Variants in ZNF34 observed in about 807,000 individuals in gnomAD.
ZNF34 encodes zinc finger protein 34 (KOX 32).
A neutral mutation model predicts 14.4 loss-of-function variants in ZNF34; 8 were observed. The observed-to-expected ratio is 0.55, with a 90% CI of 0.33 to 1.00. The LOEUF (loss-of-function observed/expected upper bound fraction) is 1.00, where lower values mean the gene tolerates loss of function less well. Ranked by LOEUF, ZNF34 falls within the 50% of genes least tolerant of loss-of-function variation. The pLI, the probability that ZNF34 is intolerant of heterozygous loss-of-function variation, is 0.03. For synonymous variants in ZNF34, 235 were observed against 247.9 expected (o/e 0.95, Z 0.49); for missense variants, 538 against 674.2 (o/e 0.80, Z 2.24).
intron 1 of ZNF34, among the ~76,000 whole-genome samples, chr8:144,783,457 A>C (rs1167779005): frequency 1.3e-5 from 2 of 152,212 alleles, no homozygotes; most frequent in Non-Finnish European, 2.9e-5. Flanking sequence ...GAATGATAAA[A>C]ATAATCTACA....
In ZNF34 at chr8:144,774,140, T is replaced by C; in HGVS notation, c.746A>G (p.Gln249Arg). The change falls in exon 6 of 6, where the codon CAG (glutamine) becomes CGG (arginine). Residue 249 changes from glutamine (Q) to arginine (R), a missense_variant. By Grantham distance (43) the Gln-to-Arg change is conservative. This residue lies in a region of ZNF34 where 431 missense variants were observed against 525.7 expected (regional missense o/e 0.82). Transcript: ENST00000429371. ...FRYSANLVKH[Q>R]RLHTEEKPYK... ...GGGCTTCTCTTCAGTGTGAAGCCGC[T>C]GATGCTTGACAAGGTTGGCACTGTA... 1 of 1,614,122 alleles carries C rather than the reference T, an allele frequency of 6.2e-7. No homozygotes were observed. Among genetic ancestry groups the C allele is most frequent in the Non-Finnish European group, 8.5e-7 (1 of 1,179,964 alleles).
chr8:144,775,709 G>A (rs983266896), intron 5 of ZNF34, among the ~76,000 whole-genome samples: 2 of 152,176 alleles, frequency 1.3e-5, no homozygotes, highest in African/African-American at 4.8e-5. Context: ...GGAGAGCCAG[G>A]GAGCTCCTGG....
chr8:144,785,052 G>A (rs1388313176), intron 1 of ZNF34, among the ~76,000 whole-genome samples: 1 of 148,156 alleles, frequency 6.7e-6, no homozygotes, highest in African/African-American at 2.5e-5. Context: ...GGGAGATGGA[G>A]GCTGCAGGGA....
At chr8:144,778,601 A>G (rs571736308) in intron 2 of ZNF34, 76 bp from the exon 3 acceptor site, 75 of 1,222,650 alleles carry the variant, frequency 6.1e-5, no homozygotes, top group Admixed American at 3.8e-4. Flanking sequence ...TGGTGCTGCC[A>G]TAAACAGCCC....
intron 1 of ZNF34, among the ~76,000 whole-genome samples, chr8:144,786,132 C>G (rs1018822028): frequency 6.6e-6 from 1 of 151,452 alleles, no homozygotes; most frequent in East Asian, 2.0e-4. Context: ...CTACAGGCGC[C>G]CGCTACCACG....
intron 2 of ZNF34, 78 bp downstream of exon 2, chr8:144,780,149 AT>A: frequency 9.1e-6 from 10 of 1,102,368 alleles, no homozygotes; most frequent in Non-Finnish European, 1.3e-5. Flanking sequence ...GTGAGCTGTG[AT>A]CGCACCACTG....
chr8:144,782,342 T>C (rs753246977), intron 1 of ZNF34, among the ~76,000 whole-genome samples: 11 of 136,570 alleles, frequency 8.1e-5, no homozygotes, highest in Non-Finnish European at 1.5e-4. Context: ...AAACAAAACT[T>C]AGCCGGGCAT....
Position 144,774,531 on chromosome 8 carries a change from C to T in ZNF34, c.355G>A (p.Glu119Lys), listed in dbSNP as rs1825379979. ...ATGTGGTCACAGGCTTCTACTGGCT[C>T]AGATCCCTGGGGATCTTCCTCACCA... ...TFGEEDPQGS[E>K]PVEACDHISK... Residue 119 changes from glutamate to lysine, a missense_variant, in exon 6 of 6, where the codon GAG (glutamate) becomes AAG (lysine). By Grantham distance (56) the Glu-to-Lys change is moderately conservative. Coordinates refer to ENST00000429371, the MANE Select transcript of ZNF34 (RefSeq NM_001286769.2). 6.2e-7 allele frequency: 1 copy of T among 1,613,930 alleles called. No individual in the cohort carries two copies. Among genetic ancestry groups the T allele is most frequent in the Admixed American group, 1.7e-5 (1 of 60,014 alleles).
chr8:144,777,989 C>T lies in ZNF34; in HGVS notation c.160+49G>A. 3 of 1,606,952 alleles carry T rather than the reference C, an allele frequency of 1.9e-6. No individual in the cohort carries two copies. Among genetic ancestry groups the T allele is most frequent in the Non-Finnish European group, 2.5e-6 (3 of 1,176,724 alleles). On this transcript the variant is annotated intron_variant, in intron 4 of 5. Coordinates refer to ENST00000429371, the MANE Select transcript of ZNF34 (RefSeq NM_001286769.2). This position sits in a 1 kb window ranked among gnomAD's most constrained non-coding sequence, Gnocchi z 4.8. ...CCCCTAGCCCAGCCTCTGCTGAGCC[C>T]TTAGCCCCCAGGGCTGTTCCCAGAG...
intron 1 of ZNF34, among the ~76,000 whole-genome samples, chr8:144,786,204 T>C (rs1488502223): frequency 6.6e-6 from 1 of 151,590 alleles, no homozygotes; most frequent in African/African-American, 2.4e-5. Flanking sequence ...GCCAGGATGG[T>C]CTCGATCTCC....
At chr8:144,785,979 G>GTTT (rs35149527) in intron 1 of ZNF34, among the ~76,000 whole-genome samples, 48 of 99,302 alleles carry the variant, frequency 4.8e-4, no homozygotes, top group African/African-American at 7.9e-4. Context: ...TACATAGGTA[G>GTTT]TTTTTTTTTT....
chr8:144,778,497 G>T lies in ZNF34; in HGVS notation c.-26C>A, dbSNP rs779660027. 1.9e-6 allele frequency: 3 copies of T among 1,588,406 alleles called. No individual in the cohort carries two copies. On this transcript the variant is annotated 5_prime_UTR_variant, in exon 3 of 6. Transcript: ENST00000429371. ...TGCCTGAGGGTTGGGCTTTCTGAGG[G>T]CAGTGAGCAGGAGCTGGTCACTGAG...
Position 144,777,662 on chromosome 8 carries a change from G to A in ZNF34, c.161-85C>T, listed in dbSNP as rs1825605986. ...TCTCACCCTGGGGCTGCAGGGTAAG[G>A]GAGGCACAGGCAGAGGGGGTGATGG... On this transcript the variant is annotated intron_variant, in intron 4 of 5. Transcript: ENST00000429371. This position sits in a 1 kb window ranked among gnomAD's most constrained non-coding sequence, Gnocchi z 4.8. The A allele has an allele frequency of 1.4e-6, 2 of 1,476,850 alleles. No homozygotes were observed. The highest frequency in any genetic ancestry group is 1.8e-6 in the Non-Finnish European group (2 of 1,098,150). 91.5% of individuals were successfully genotyped at this position (1,476,850 alleles called of 1,614,324 possible).
At chr8:144,780,203 A>C in intron 2 of ZNF34, 25 bp downstream of exon 2, 1 of 1,533,906 alleles carries the variant, frequency 6.5e-7, no homozygotes, top group Non-Finnish European at 8.8e-7. Context: ...TCTCAAAATA[A>C]ATAAGTAAAA....
chr8:144,774,955 G>A (rs929066618), intron 5 of ZNF34, among the ~76,000 whole-genome samples: 2 of 152,162 alleles, frequency 1.3e-5, no homozygotes, highest in African/African-American at 4.8e-5. Context: ...ATTAGTCCTG[G>A]CCCCTACTTG....
In ZNF34 at chr8:144,772,362, G is replaced by A. The variant is rs1019609729; in HGVS notation, c.*904C>T. Among the ~76,000 whole-genome samples the A allele has an allele frequency of 2.6e-5, 4 of 152,112 alleles. No individual in the cohort carries two copies. Among genetic ancestry groups the A allele is most frequent in the African/African-American group, 9.7e-5 (4 of 41,398 alleles). On this transcript the variant is annotated 3_prime_UTR_variant, in exon 6 of 6. Coordinates refer to ENST00000429371, the MANE Select transcript of ZNF34 (RefSeq NM_001286769.2). ...AATAGGTACAGGGTTTCTGTTTGGA[G>A]TAATAAAACAGTTCTGGAAATACAC... is the stretch of plus-strand genomic sequence containing the variant.
In ZNF34 at chr8:144,778,512, T is replaced by C; in HGVS notation, c.-41A>G. 6.3e-7 allele frequency: 1 copy of C among 1,581,330 alleles called. No individual in the cohort carries two copies. Among genetic ancestry groups the C allele is most frequent in the Non-Finnish European group, 8.6e-7 (1 of 1,164,288 alleles). On this transcript the variant is annotated 5_prime_UTR_variant, in exon 3 of 6. Coordinates refer to ENST00000429371, the MANE Select transcript of ZNF34 (RefSeq NM_001286769.2). The stretch of plus-strand genomic sequence containing the variant: ...CTTTCTGAGGGCAGTGAGCAGGAGC[T>C]GGTCACTGAGGAGCTGAGGGAAGAG...
chr8:144,777,699 C>T lies in ZNF34; in HGVS notation c.161-122G>A, dbSNP rs1825608826. ...AGAGGGGGTGATGGAAGCCTGGACA[C>T]TCTCTGGAGGGCACTGAGATTGGGC... On this transcript the variant is annotated intron_variant, in intron 4 of 5. Transcript: ENST00000429371. This position sits in a 1 kb window ranked among gnomAD's most constrained non-coding sequence, Gnocchi z 4.8. 8.0e-7 allele frequency: 1 copy of T among 1,242,614 alleles called. No individual in the cohort carries two copies. The highest frequency in any genetic ancestry group is 1.1e-6 in the Non-Finnish European group (1 of 905,502). The allele number at this position is 1,242,614 out of a possible 1,614,324, so 77.0% of individuals were successfully genotyped here.
intron 1 of ZNF34, among the ~76,000 whole-genome samples, chr8:144,781,457 C>T (rs557401029): frequency 1.9e-4 from 29 of 151,978 alleles, no homozygotes; most frequent in African/African-American, 4.8e-4. Context: ...GGAGTTTCAC[C>T]GTGCTGGCCA....
Sources: allele counts gnomAD v4.1 joint callset (sites outside exome capture counted in the v4.1 genomes callset), GRCh38; gene constraint gnomAD v4.1.1; regional missense constraint gnomAD v4.1.1; non-coding constraint Gnocchi (gnomAD v3.1); transcripts MANE v1.5; gene names NCBI Gene and HGNC (gene_info 2026-07-23, HGNC 2026-07-21).